Variants in CAMKMT observed in about 807,000 individuals in gnomAD.
CAMKMT encodes CaM KMT.
In CAMKMT, 53 loss-of-function variants were observed where a neutral mutation model predicts 48.0. The ratio of observed to expected loss-of-function variants is 1.10; its 90% confidence interval spans 0.89 to 1.39. The LOEUF (loss-of-function observed/expected upper bound fraction) is 1.39, where lower values mean the gene tolerates loss of function less well. CAMKMT is among the 40% of genes most tolerant of loss of function. The pLI is 0.00. For synonymous variants in CAMKMT, 165 were observed against 152.3 expected, an observed-to-expected ratio of 1.08 and a Z score of -0.61; for missense variants, 428 against 402.7, an observed-to-expected ratio of 1.06 and a Z score of -0.54.
intron 3 of CAMKMT, among the ~76,000 whole-genome samples, chr2:44,669,449 T>C (rs1245108860): frequency 6.6e-6 from 1 of 151,860 alleles, no homozygotes; most frequent in African/African-American, 2.4e-5. Flanking sequence ...TACTGAGGAG[T>C]GGAATTAGTG....
chr2:44,427,260 T>C (rs1480097922), intron 3 of CAMKMT, among the ~76,000 whole-genome samples: 1 of 152,176 alleles, frequency 6.6e-6, no homozygotes, highest in Non-Finnish European at 1.5e-5. Context: ...GCAAATAATG[T>C]ACGACCAAGT....
chr2:44,488,804 C>T (rs1441474805), intron 3 of CAMKMT, among the ~76,000 whole-genome samples: 3 of 151,238 alleles, frequency 2.0e-5, no homozygotes, highest in African/African-American at 7.3e-5. Context: ...TTTTTAAGCA[C>T]AAGGATACTT....
chr2:44,594,556 TG>T (rs1670532648), intron 3 of CAMKMT, among the ~76,000 whole-genome samples: 1 of 152,118 alleles, frequency 6.6e-6, no homozygotes, highest in Admixed American at 6.5e-5. Flanking sequence ...AAACAAGCAA[TG>T]GGGAAAGGAT....
chr2:44,690,975 CA>C (rs554751267), intron 3 of CAMKMT, among the ~76,000 whole-genome samples: 8 of 147,410 alleles, frequency 5.4e-5, no homozygotes, highest in East Asian at 2.0e-4. Context: ...GACTCCATCT[CA>C]AAAAAAAAAT....
chr2:44,579,614 G>A (rs904965737), intron 3 of CAMKMT, among the ~76,000 whole-genome samples: 2 of 152,266 alleles, frequency 1.3e-5, no homozygotes, highest in South Asian at 4.1e-4. Flanking sequence ...AAAGGTTTTT[G>A]GTTTGCCCTT....
intron 3 of CAMKMT, among the ~76,000 whole-genome samples, chr2:44,665,801 C>T (rs554870089): frequency 2.6e-5 from 4 of 152,124 alleles, no homozygotes; most frequent in East Asian, 1.9e-4. Context: ...AGCTGCAATT[C>T]GATTTGGGGT....
chr2:44,409,072 T>G (rs2104469324), intron 3 of CAMKMT, among the ~76,000 whole-genome samples: 1 of 143,880 alleles, frequency 7.0e-6, no homozygotes, highest in African/African-American at 2.5e-5. Flanking sequence ...TTAGTTGTTA[T>G]TTCAGCCGAT....
chr2:44,405,637 A>G (rs563397145), intron 3 of CAMKMT, among the ~76,000 whole-genome samples: 1 of 152,096 alleles, frequency 6.6e-6, no homozygotes, highest in Non-Finnish European at 1.5e-5. Context: ...AATGTAATGA[A>G]GATTTGAAAA....
chr2:44,612,481 G>A (rs553245864), intron 3 of CAMKMT, among the ~76,000 whole-genome samples: 113 of 152,216 alleles, frequency 7.4e-4, no homozygotes, highest in African/African-American at 2.6e-3. Context: ...TAGTGATTAC[G>A]GAATTTCAGT....
intron 3 of CAMKMT, among the ~76,000 whole-genome samples, chr2:44,686,404 AAAAC>A (rs1676340319): frequency 6.6e-6 from 1 of 151,442 alleles, no homozygotes. Flanking sequence ...AAAAAAAAAA[AAAAC>A]AAAACAAAAA....
chr2:44,659,334 G>A (rs1158498422), intron 3 of CAMKMT, among the ~76,000 whole-genome samples: 1 of 152,002 alleles, frequency 6.6e-6, no homozygotes, highest in African/African-American at 2.4e-5. Flanking sequence ...GGCTGAAGTG[G>A]AAGGACAGCT....
chr2:44,374,260 A>G (rs183684731), intron 2 of CAMKMT, among the ~76,000 whole-genome samples: 1 of 152,134 alleles, frequency 6.6e-6, no homozygotes, highest in Admixed American at 6.6e-5. Flanking sequence ...TTTGATGGAG[A>G]TAATCAGTTT....
intron 3 of CAMKMT, among the ~76,000 whole-genome samples, chr2:44,632,729 G>C (rs914613913): frequency 1.3e-5 from 2 of 152,122 alleles, no homozygotes; most frequent in Admixed American, 6.6e-5. Context: ...CCTTTAATCT[G>C]GGCCGGCACC....
intron 9 of CAMKMT, 28 bp from the exon 10 acceptor site, chr2:44,766,402 T>C (rs1237245729): frequency 1.2e-6 from 2 of 1,612,878 alleles, no homozygotes; most frequent in African/African-American, 2.7e-5. Flanking sequence ...AGTTTTAAAA[T>C]ATGTGAATTT....
At chr2:44,612,512 C>A (rs1244800326) in intron 3 of CAMKMT, among the ~76,000 whole-genome samples, 3 of 152,132 alleles carry the variant, frequency 2.0e-5, no homozygotes, top group African/African-American at 7.2e-5. Flanking sequence ...TCCTCTCACT[C>A]TGAATAATAT....
At position 44,631,877 on chromosome 2, in the gene CAMKMT, T is replaced by C. The variant is rs554559792; in HGVS notation, c.377-72406T>C. Reference sequence around the variant, plus strand: ...TACCTCTTTGTTTAGAATTTAGGTGTTCCCTAAGGTTTAAACTATATAACT... The same window carrying C: ...TACCTCTTTGTTTAGAATTTAGGTGCTCCCTAAGGTTTAAACTATATAACT... On this transcript the variant is annotated intron_variant, in intron 3 of 10. Transcript: ENST00000378494. Among the ~76,000 whole-genome samples the C allele has an allele frequency of 3.3e-5, 5 of 152,306 alleles. No homozygotes were observed. In the East Asian group the frequency reaches 9.6e-4, roughly 29 times the overall value.
intron 2 of CAMKMT, among the ~76,000 whole-genome samples, chr2:44,384,518 T>A (rs1033226024): frequency 1.4e-5 from 2 of 142,932 alleles, no homozygotes; most frequent in African/African-American, 3.0e-5. Flanking sequence ...TTTTTTTTTT[T>A]TTGCATTTGC....
intron 7 of CAMKMT, among the ~76,000 whole-genome samples, chr2:44,742,064 G>T (rs1236332956): frequency 3.3e-5 from 5 of 151,686 alleles, no homozygotes; most frequent in African/African-American, 1.2e-4. Context: ...AAACCATCTT[G>T]CTCATGGTTC....
chr2:44,464,573 A>G (rs1330019510), intron 3 of CAMKMT, among the ~76,000 whole-genome samples: 1 of 152,214 alleles, frequency 6.6e-6, no homozygotes, highest in African/African-American at 2.4e-5. Flanking sequence ...AGAATCTGCA[A>G]AGCAGCAAGA....
Sources: gnomAD v4.1 joint callset for allele counts (sites outside exome capture counted in the v4.1 genomes callset) on GRCh38, gnomAD v4.1.1 for gene constraint, MANE v1.5 for transcripts, NCBI Gene and HGNC (gene_info 2026-07-23, HGNC 2026-07-21) for gene names.